Variants in RALGPS1 observed in about 807,000 individuals in gnomAD.
RALGPS1 encodes the protein Ral GEF with PH domain and SH3 binding motif 1.
A neutral mutation model predicts 78.8 loss-of-function variants in RALGPS1; 19 were observed. That is an observed-to-expected ratio of 0.24 (90% CI 0.17 to 0.35). The LOEUF (loss-of-function observed/expected upper bound fraction) is 0.35, where lower values mean the gene tolerates loss of function less well. Among genes scored for constraint, RALGPS1 ranks in the 10% least tolerant of loss-of-function variants. The pLI is 1.00. For synonymous variants in RALGPS1, 228 were observed against 256.3 expected (o/e 0.89, Z 1.06); for missense variants, 454 against 688.3 (o/e 0.66, Z 3.81).
intron 1 of RALGPS1, among the ~76,000 whole-genome samples, chr9:126,949,595 G>T (rs1474010632): frequency 6.6e-6 from 1 of 152,122 alleles, no homozygotes; most frequent in African/African-American, 2.4e-5. Context: ...TTGTCTTTTG[G>T]CTGCATAAAT....
chr9:127,221,297 C>T lies in RALGPS1; in HGVS notation c.*2528C>T, dbSNP rs905519938. ...AGGGAAGCATTTCTAGTTTTTGCTC[C>T]TTGACTGTCCAGAGTGTACAAATGT... On this transcript the variant is annotated 3_prime_UTR_variant, in exon 19 of 19. Coordinates refer to ENST00000259351, the MANE Select transcript of RALGPS1 (RefSeq NM_014636.3). The T allele has an allele frequency of 1.3e-5, 2 of 152,208 alleles. No homozygotes were observed. The highest frequency in any genetic ancestry group is 4.8e-5 in the African/African-American group (2 of 41,440). The allele number at this position is 152,208 out of a possible 1,614,324, so 9.4% of individuals were successfully genotyped here.
intron 8 of RALGPS1, among the ~76,000 whole-genome samples, chr9:127,098,363 G>A (rs2053378228): frequency 6.6e-6 from 1 of 152,166 alleles, no homozygotes; most frequent in South Asian, 2.1e-4. Context: ...CACTAACTCG[G>A]CAGCACCTGG....
intron 4 of RALGPS1, among the ~76,000 whole-genome samples, chr9:126,994,434 TGG>T (rs1210493531): frequency 6.6e-6 from 1 of 152,088 alleles, no homozygotes; most frequent in African/African-American, 2.4e-5. Flanking sequence ...GTATCAGTGA[TGG>T]AAGATGAAAT....
chr9:126,939,423 C>A (rs1588531576), intron 1 of RALGPS1, among the ~76,000 whole-genome samples: 1 of 152,176 alleles, frequency 6.6e-6, no homozygotes, highest in East Asian at 1.9e-4. Context: ...GTATCCCATG[C>A]CAGGCACTGT....
At chr9:127,082,526 G>A (rs1415652633) in intron 8 of RALGPS1, among the ~76,000 whole-genome samples, 1 of 152,134 alleles carries the variant, frequency 6.6e-6, no homozygotes, top group Non-Finnish European at 1.5e-5. Context: ...GTGATTCTCA[G>A]ATGTATTACT....
chr9:127,003,837 A>G (rs1309680226), intron 4 of RALGPS1, among the ~76,000 whole-genome samples: 1 of 152,164 alleles, frequency 6.6e-6, no homozygotes, highest in African/African-American at 2.4e-5. Context: ...AAGTGACTGT[A>G]TCATTTCACA....
At chr9:126,965,397 C>T (rs1324820030) in intron 2 of RALGPS1, among the ~76,000 whole-genome samples, 2 of 152,180 alleles carry the variant, frequency 1.3e-5, no homozygotes, top group African/African-American at 2.4e-5. Flanking sequence ...CCTCAGGCCT[C>T]CTAAGACATG....
intron 1 of RALGPS1, among the ~76,000 whole-genome samples, chr9:126,939,512 C>T (rs377742286): frequency 6.6e-6 from 1 of 152,154 alleles, no homozygotes; most frequent in African/African-American, 2.4e-5. Context: ...TGCTTGGCAC[C>T]CCCAGTACTC....
At chr9:127,050,643 C>G (rs928483062) in intron 6 of RALGPS1, among the ~76,000 whole-genome samples, 7 of 152,178 alleles carry the variant, frequency 4.6e-5, no homozygotes, top group Non-Finnish European at 7.3e-5. Context: ...CTCCTGCCCC[C>G]GGCCTGATAG....
At chr9:127,116,896 C>G (rs2055487320) in intron 8 of RALGPS1, among the ~76,000 whole-genome samples, 1 of 152,182 alleles carries the variant, frequency 6.6e-6, no homozygotes, top group African/African-American at 2.4e-5. Flanking sequence ...AGTGGTGGAG[C>G]TGGGCCCAGT....
intron 8 of RALGPS1, among the ~76,000 whole-genome samples, chr9:127,093,480 C>G (rs911164245): frequency 1.3e-5 from 2 of 152,212 alleles, no homozygotes; most frequent in Admixed American, 6.5e-5. Context: ...GTGGTCTGGT[C>G]TACTGACTCT....
At position 127,195,127 on chromosome 9, in the gene RALGPS1, G is replaced by C; in HGVS notation, c.947G>C (p.Arg316Pro). ...GGCTCCGGTTCTGCGAGGTTCAGCC[G>C]GAGGCCCACCTGTCCTGACACATCT... ...SAGSGSARFS[R>P]RPTCPDTSVA... The change falls in exon 12 of 19, where the codon CGG (arginine) becomes CCG (proline). Residue 316 changes from arginine (R) to proline (P), a missense_variant. Coordinates refer to ENST00000259351, the MANE Select transcript of RALGPS1 (RefSeq NM_014636.3). 3 of 1,613,386 alleles carry C rather than the reference G, an allele frequency of 1.9e-6. No homozygotes were observed. The highest frequency in any genetic ancestry group is 2.5e-6 in the Non-Finnish European group (3 of 1,179,942).
At chr9:127,144,818 C>T (rs1007896400) in intron 8 of RALGPS1, among the ~76,000 whole-genome samples, 1 of 152,146 alleles carries the variant, frequency 6.6e-6, no homozygotes, top group Non-Finnish European at 1.5e-5. Context: ...CCAGAAAGTA[C>T]ATTAGTGGTA....
chr9:126,925,668 G>A (rs530339216), intron 1 of RALGPS1, among the ~76,000 whole-genome samples: 65 of 152,198 alleles, frequency 4.3e-4, no homozygotes, highest in African/African-American at 1.4e-3. Context: ...CTTGGGCAAC[G>A]TAATGAGACC....
intron 4 of RALGPS1, among the ~76,000 whole-genome samples, chr9:126,989,296 T>G (rs1183007484): frequency 6.6e-6 from 1 of 152,104 alleles, no homozygotes; most frequent in African/African-American, 2.4e-5. Context: ...GGTTGAGGCA[T>G]GGGGGCACCC....
intron 11 of RALGPS1, chr9:127,178,319 A>G (rs2060002964): frequency 2.4e-6 from 1 of 424,562 alleles, no homozygotes. Context: ...AGAAGTGGCA[A>G]GTGGGCAGGG....
At chr9:127,142,682 C>T (rs1170141198) in intron 8 of RALGPS1, among the ~76,000 whole-genome samples, 4 of 152,146 alleles carry the variant, frequency 2.6e-5, no homozygotes, top group Non-Finnish European at 5.9e-5. Flanking sequence ...AATGATCAGC[C>T]AATTAAATAA....
At chr9:127,191,262 C>CT (rs1473540821) in intron 11 of RALGPS1, among the ~76,000 whole-genome samples, 12 of 152,318 alleles carry the variant, frequency 7.9e-5, no homozygotes, top group African/African-American at 2.9e-4. Flanking sequence ...TTATTCATCT[C>CT]TTCCTTTAGG....
intron 1 of RALGPS1, among the ~76,000 whole-genome samples, chr9:126,944,296 A>G (rs569007122): frequency 1.1e-3 from 175 of 152,330 alleles, no homozygotes; most frequent in Middle Eastern, 3.4e-3. Flanking sequence ...AGTGACACTA[A>G]TGGATGTGGT....
Sources: allele counts gnomAD v4.1 joint callset (sites outside exome capture counted in the v4.1 genomes callset), GRCh38; gene constraint gnomAD v4.1.1; transcripts MANE v1.5; gene names NCBI Gene and HGNC (gene_info 2026-07-23, HGNC 2026-07-21).